Variants in TMUB2 observed in about 807,000 individuals in gnomAD.
TMUB2 encodes the protein transmembrane and ubiquitin-like domain-containing protein 2.
In TMUB2, 19 loss-of-function variants were observed where a neutral mutation model predicts 20.2. The observed-to-expected ratio is 0.94, with a 90% confidence interval of 0.66 to 1.38. The LOEUF is 1.38. Among genes scored for constraint, TMUB2 ranks in the 40% most tolerant of loss-of-function variants. The pLI is 0.00. For missense variants in TMUB2, 426 were observed against 402.5 expected (o/e 1.06, Z -0.50); for synonymous variants, 186 against 166.0 (o/e 1.12, Z -0.92).
rs1037482010 is a variant in TMUB2 at position 44,191,567 on chromosome 17, A to G, written c.*703A>G. Reference sequence around the variant, plus strand: ...GCCAGGCCACAGCTGCTGCTCCCGTAGTCCTCAGGCTGTAAGCAAGAGACA... The same window carrying G: ...GCCAGGCCACAGCTGCTGCTCCCGTGGTCCTCAGGCTGTAAGCAAGAGACA... On this transcript the variant is annotated 3_prime_UTR_variant, in exon 4 of 4. Coordinates refer to ENST00000538716, the MANE Select transcript of TMUB2 (RefSeq NM_001076674.3). 11 of 986,016 alleles carry G rather than the reference A, an allele frequency of 1.1e-5. No homozygotes were observed. In the African/African-American group the frequency reaches 1.6e-4, roughly 14 times the overall value. The allele number at this position is 986,016 out of a possible 1,614,324, so 61.1% of individuals were successfully genotyped here.
intron 2 of TMUB2, 134 bp downstream of exon 2, chr17:44,187,877 A>G (rs114359465): frequency 7.3e-6 from 5 of 683,176 alleles, no homozygotes; most frequent in Non-Finnish European, 8.2e-6. Flanking sequence ...GGGCCGGTAT[A>G]TTAAATAAGG....
chr17:44,189,389 G>A lies in TMUB2; in HGVS notation c.403G>A (p.Glu135Lys), dbSNP rs770448555. 1 of 1,613,530 alleles carries A rather than the reference G, an allele frequency of 6.2e-7. No homozygotes were observed. Among genetic ancestry groups the A allele is most frequent in the South Asian group, 1.1e-5 (1 of 91,020 alleles). The change falls in exon 3 of 4, where the codon GAG becomes AAG. Residue 135 changes from glutamate to lysine, a missense_variant. Coordinates refer to ENST00000538716, the MANE Select transcript of TMUB2 (RefSeq NM_001076674.3). Reference protein sequence around the residue: ...GAGGGVEPSLEHLLDIQGLPK... With the variant: ...GAGGGVEPSLKHLLDIQGLPK... ...TGGGGGTGGTGTTGAGCCCAGCCTTGAGCATCTCCTTGACATCCAAGGCCT... is the reference window on the plus strand; with the variant it reads ...TGGGGGTGGTGTTGAGCCCAGCCTTAAGCATCTCCTTGACATCCAAGGCCT...
intron 2 of TMUB2, 98 bp from the exon 3 acceptor site, chr17:44,188,924 T>G: frequency 6.9e-7 from 1 of 1,446,994 alleles, no homozygotes; most frequent in Non-Finnish European, 9.1e-7. Context: ...CTCCTTTTTT[T>G]TTTTTTTCAG....
Position 44,191,500 on chromosome 17 carries a change from A to C in TMUB2, c.*636A>C. The stretch of plus-strand genomic sequence containing the variant: ...GAGTCCTTCATAGAGCTCAGTCAGG[A>C]AGGGGATGGGGCACCAAGCCAAGCC... On this transcript the variant is annotated 3_prime_UTR_variant, in exon 4 of 4. Transcript: ENST00000538716. 2 of 985,884 alleles carry C rather than the reference A, an allele frequency of 2.0e-6. No homozygotes were observed. Among genetic ancestry groups the C allele is most frequent in the South Asian group, 9.4e-5 (2 of 21,288 alleles). The allele number at this position is 985,884 out of a possible 1,614,324, so 61.1% of individuals were successfully genotyped here.
At chr17:44,189,718 T>C (rs2055084359) in intron 3 of TMUB2, 130 bp downstream of exon 3, 11 of 878,860 alleles carry the variant, frequency 1.3e-5, no homozygotes, top group Non-Finnish European at 1.8e-5. Flanking sequence ...GGCAGGTAGA[T>C]ACTTTCTTAG....
intron 3 of TMUB2, 106 bp downstream of exon 3, chr17:44,189,694 C>A: frequency 2.8e-6 from 3 of 1,072,446 alleles, no homozygotes; most frequent in Non-Finnish European, 3.9e-6. Context: ...GTGTAAGATC[C>A]AGCCCCTACC....
intron 3 of TMUB2, 159 bp downstream of exon 3, chr17:44,189,747 G>A (rs1469953998): frequency 7.6e-6 from 5 of 654,616 alleles, no homozygotes; most frequent in Non-Finnish European, 1.2e-5. Context: ...CCTTCAGGCC[G>A]GGTGCAGTGG....
At position 44,190,622 on chromosome 17, in the gene TMUB2, C is replaced by T. The variant is rs775966104; in HGVS notation, c.724C>T (p.Arg242Cys). 7.2e-5 allele frequency: 116 copies of T among 1,614,122 alleles called. No homozygotes were observed. Among genetic ancestry groups the T allele is most frequent in the Non-Finnish European group, 8.9e-5 (105 of 1,180,054 alleles). Residue 242 changes from arginine (R) to cysteine (C), a missense_variant, in exon 4 of 4, where the codon CGC becomes TGC. Coordinates refer to ENST00000538716, the MANE Select transcript of TMUB2 (RefSeq NM_001076674.3). ...ITDNCVIHCHRSPPGSAVPGP... is the reference protein window; with the variant it reads ...ITDNCVIHCHCSPPGSAVPGP... Reference sequence around the variant, plus strand: ...CGACAACTGTGTGATTCACTGCCACCGCTCACCCCCAGGGTCAGCTGTTCC... The same window carrying T: ...CGACAACTGTGTGATTCACTGCCACTGCTCACCCCCAGGGTCAGCTGTTCC...
Position 44,189,298 on chromosome 17 carries a change from G to C in TMUB2, c.312G>C (p.Glu104Asp). 1.2e-6 allele frequency: 2 copies of C among 1,600,980 alleles called. No homozygotes were observed. The highest frequency in any genetic ancestry group is 2.2e-5 in the South Asian group (2 of 89,040). The stretch of plus-strand genomic sequence containing the variant: ...CAACTGAACTCCCCCATCCATCAGA[G>C]GGTAATGATGAGAAGGCTGAAGAGG... ...PEPTELPHPS[E>D]GNDEKAEEAG... Residue 104 changes from glutamate to aspartate, a missense_variant, in exon 3 of 4, where the codon GAG becomes GAC. Coordinates refer to ENST00000538716, the MANE Select transcript of TMUB2 (RefSeq NM_001076674.3).
At position 44,190,959 on chromosome 17, in the gene TMUB2, G is replaced by A. The variant is rs953227863; in HGVS notation, c.*95G>A. 6.6e-7 allele frequency: 1 copy of A among 1,510,926 alleles called. No individual in the cohort carries two copies. The highest frequency in any genetic ancestry group is 1.4e-5 in the African/African-American group (1 of 71,856). The allele number at this position is 1,510,926 out of a possible 1,614,324, so 93.6% of individuals were successfully genotyped here. On this transcript the variant is annotated 3_prime_UTR_variant, in exon 4 of 4. Coordinates refer to ENST00000538716, the MANE Select transcript of TMUB2 (RefSeq NM_001076674.3). ...TGGGCCCAAGGGCCGGGGAGGGAGG[G>A]GTGGAAAGGATGTGATGGAAATCTC...
rs544355112 is a variant in TMUB2 at position 44,191,769 on chromosome 17, C to G, written c.*905C>G. The G allele has an allele frequency of 3.0e-4, 300 of 984,452 alleles. No homozygotes were observed. The highest frequency in any genetic ancestry group is 3.5e-4 in the Non-Finnish European group (290 of 828,886). The allele number at this position is 984,452 out of a possible 1,614,324, so 61.0% of individuals were successfully genotyped here. ...GACAGAGAATGGCTTTGCGCTGCCCCCAGGAAAATGGTAATGAGAGTAGGT... is the reference window on the plus strand; with the variant it reads ...GACAGAGAATGGCTTTGCGCTGCCCGCAGGAAAATGGTAATGAGAGTAGGT... On this transcript the variant is annotated 3_prime_UTR_variant, in exon 4 of 4. Transcript: ENST00000538716.
Position 44,187,581 on chromosome 17 carries a change from A to C in TMUB2, c.-33-95A>C. The C allele has an allele frequency of 3.0e-6, 2 of 672,092 alleles. 1 individual carries two copies. Among genetic ancestry groups the C allele is most frequent in the South Asian group, 3.2e-5 (2 of 62,754 alleles). 41.6% of individuals were successfully genotyped at this position (672,092 alleles called of 1,614,324 possible). On this transcript the variant is annotated intron_variant, in intron 1 of 3. Coordinates refer to ENST00000538716, the MANE Select transcript of TMUB2 (RefSeq NM_001076674.3). ...CTTTGCCGCAGTTTCTTTTCCTGTA[A>C]ATCATGGTTAATAACATTAACCTTC...
chr17:44,191,564 C>G lies in TMUB2; in HGVS notation c.*700C>G. ...GCGGCCAGGCCACAGCTGCTGCTCC[C>G]GTAGTCCTCAGGCTGTAAGCAAGAG... On this transcript the variant is annotated 3_prime_UTR_variant, in exon 4 of 4. Transcript: ENST00000538716. 1 of 986,076 alleles carries G rather than the reference C, an allele frequency of 1.0e-6. No homozygotes were observed. Among genetic ancestry groups the G allele is most frequent in the Non-Finnish European group, 1.2e-6 (1 of 830,104 alleles). The allele number at this position is 986,076 out of a possible 1,614,324, so 61.1% of individuals were successfully genotyped here.
Position 44,189,135 on chromosome 17 carries a change from T to C in TMUB2, c.149T>C (p.Val50Ala). ...AGVVVLILAL[V>A]LAWLSTYVAD... ...GTGGTGGTGCTGATTCTAGCCTTGG[T>C]CCTAGCTTGGCTCTCTACCTACGTA... Residue 50 changes from valine to alanine, a missense_variant, in exon 3 of 4, where the codon GTC (valine) becomes GCC (alanine). By Grantham distance (64) the Val-to-Ala change is moderately conservative. Coordinates refer to ENST00000538716, the MANE Select transcript of TMUB2 (RefSeq NM_001076674.3). 6.2e-7 allele frequency: 1 copy of C among 1,614,050 alleles called. No individual in the cohort carries two copies. Among genetic ancestry groups the C allele is most frequent in the South Asian group, 1.1e-5 (1 of 91,074 alleles).
Position 44,191,450 on chromosome 17 carries a change from C to T in TMUB2, c.*586C>T. On this transcript the variant is annotated 3_prime_UTR_variant, in exon 4 of 4. Transcript: ENST00000538716. Reference sequence around the variant, plus strand: ...TCCTCCCTTCTTTCAAAGCACTTTGCTTGCATTTTATTTTATTTTTTTAAG... The same window carrying T: ...TCCTCCCTTCTTTCAAAGCACTTTGTTTGCATTTTATTTTATTTTTTTAAG... 1.0e-6 allele frequency: 1 copy of T among 986,032 alleles called. No homozygotes were observed. The highest frequency in any genetic ancestry group is 1.2e-6 in the Non-Finnish European group (1 of 830,082). 61.1% of individuals were successfully genotyped at this position (986,032 alleles called of 1,614,324 possible). A position where few individuals can be genotyped will look rare whatever the true frequency, so the allele number is the denominator to read the frequency against.
rs756992770 is a variant in TMUB2 at position 44,190,494 on chromosome 17, C to T, written c.603-7C>T. 4 of 1,586,906 alleles carry T rather than the reference C, an allele frequency of 2.5e-6. No individual in the cohort carries two copies. The highest frequency in any genetic ancestry group is 3.4e-6 in the Non-Finnish European group (4 of 1,164,104). ...TATCTTTTCTTCCATGTCTTTCATC[C>T]TTACAGCAAATACTTCCCTGGACAA... is the stretch of plus-strand genomic sequence containing the variant. On this transcript the variant is annotated splice_polypyrimidine_tract_variant and splice_region_variant and intron_variant, in intron 3 of 3. Transcript: ENST00000538716.
chr17:44,189,752 C>T, intron 3 of TMUB2, 164 bp downstream of exon 3: 1 of 632,318 alleles, frequency 1.6e-6, no homozygotes, highest in Non-Finnish European at 2.5e-6. Flanking sequence ...AGGCCGGGTG[C>T]AGTGGCTCCC....
Position 44,189,076 on chromosome 17 carries a change from G to A in TMUB2, c.90G>A (p.Glu30=), listed in dbSNP as rs779428130. 3 of 1,614,014 alleles carry A rather than the reference G, an allele frequency of 1.9e-6. No homozygotes were observed. The highest frequency in any genetic ancestry group is 2.2e-5 in the South Asian group (2 of 91,092). ...AGCTCTCTGATGTCACCCTCATTGA[G>A]GGTGTGGGTAATGAGGTGATGGTGG... The part of the protein sequence containing the change: ...AMELSDVTLI[E]GVGNEVMVVA... The change falls in exon 3 of 4, where the codon GAG becomes GAA. Residue 30 remains glutamate, a synonymous_variant. Transcript: ENST00000538716.
chr17:44,189,328 T>C lies in TMUB2; in HGVS notation c.342T>C (p.Gly114=). ...ATGATGAGAAGGCTGAAGAGGCGGG[T>C]GAAGGTCGGGGAGACTCCACTGGGG... ...EGNDEKAEEA[G]EGRGDSTGEA... is the part of the protein sequence containing the mutation. Residue 114 remains glycine (G), a synonymous_variant, in exon 3 of 4, where the codon GGT becomes GGC. Transcript: ENST00000538716. 1 of 1,577,088 alleles carries C rather than the reference T, an allele frequency of 6.3e-7. No homozygotes were observed. The highest frequency in any genetic ancestry group is 8.6e-7 in the Non-Finnish European group (1 of 1,163,380).
Sources: allele counts gnomAD v4.1 joint callset, GRCh38; gene constraint gnomAD v4.1.1; transcripts MANE v1.5; gene names NCBI Gene and HGNC (gene_info 2026-07-23, HGNC 2026-07-21).